The following RANBP2 variants were observed in gnomAD, a reference collection of about 807,000 sequenced individuals.
The protein encoded by RANBP2 is RAN binding protein 2.
Under a neutral mutation model 303.6 loss-of-function variants are expected in RANBP2, and 57 were observed. The ratio of observed to expected loss-of-function variants is 0.19; its 90% CI spans 0.15 to 0.23. The LOEUF (loss-of-function observed/expected upper bound fraction) is 0.23. Among genes scored for constraint, RANBP2 ranks in the 10% least tolerant of loss-of-function variants. The pLI, the probability that RANBP2 is intolerant of heterozygous loss-of-function variation, is 1.00. For missense variants in RANBP2, 3,138 were observed against 3,780.8 expected (o/e 0.83, Z 4.46); for synonymous variants, 1,167 against 1,301.5 (o/e 0.90, Z 2.23).
At chr2:109,473,309 A>G in the RANBP2 span, among the ~76,000 whole-genome samples, 2 of 152,200 alleles carry the variant, frequency 1.3e-5, no homozygotes, top group African/African-American at 2.4e-5. Flanking sequence ...CCTCTTGGCC[A>G]TGGGCAGCTG....
chr2:109,253,976 G>C, the RANBP2 span, among the ~76,000 whole-genome samples: 1 of 151,854 alleles, frequency 6.6e-6, no homozygotes, highest in African/African-American at 2.4e-5. Context: ...AATGGGGCCT[G>C]GCCCCTGAGA....
At chr2:109,303,688 G>C in the RANBP2 span, among the ~76,000 whole-genome samples, 3 of 152,106 alleles carry the variant, frequency 2.0e-5, no homozygotes, top group African/African-American at 7.2e-5. Context: ...TGTTTTGCTT[G>C]GTATTTTAGT....
At chr2:109,449,592 G>A in the RANBP2 span, 2 of 1,407,176 alleles carry the variant, frequency 1.4e-6, no homozygotes, top group Non-Finnish European at 1.9e-6. Flanking sequence ...AAGCTAGAAT[G>A]TGGGCTCCAA....
chr2:108,846,668 C>A, the RANBP2 span: 1 of 1,368,168 alleles, frequency 7.3e-7, no homozygotes, highest in Non-Finnish European at 1.0e-6. Flanking sequence ...CAGAGCAAGA[C>A]TGTGTCTCAA....
the RANBP2 span, among the ~76,000 whole-genome samples, chr2:109,686,296 GT>G: frequency 1.3e-5 from 2 of 152,214 alleles, no homozygotes; most frequent in Middle Eastern, 3.4e-3. Context: ...CTCAAATCAT[GT>G]TTAAGTCAAT....
At chr2:109,726,635 T>A in the RANBP2 span, among the ~76,000 whole-genome samples, 1 of 152,110 alleles carries the variant, frequency 6.6e-6, no homozygotes, top group Non-Finnish European at 1.5e-5. Flanking sequence ...ACCTCACCAA[T>A]CCTGCTAACC....
chr2:109,284,974 T>A, the RANBP2 span, among the ~76,000 whole-genome samples: 39 of 152,330 alleles, frequency 2.6e-4, no homozygotes, highest in South Asian at 4.1e-4. Flanking sequence ...CCATCAGAAG[T>A]GAAGTCAATG....
chr2:109,281,372 T>G, the RANBP2 span, among the ~76,000 whole-genome samples: 1 of 152,026 alleles, frequency 6.6e-6, no homozygotes, highest in Non-Finnish European at 1.5e-5. Flanking sequence ...ACTTGGAAAG[T>G]GAGGAGAGGG....
the RANBP2 span, among the ~76,000 whole-genome samples, chr2:108,950,109 T>A: frequency 2.0e-5 from 3 of 152,106 alleles, no homozygotes; most frequent in Non-Finnish European, 4.4e-5. Flanking sequence ...GAAGAGTGAA[T>A]GCAGCACACA....
chr2:109,219,765 C>A, the RANBP2 span, among the ~76,000 whole-genome samples: 1 of 152,172 alleles, frequency 6.6e-6, no homozygotes, highest in Admixed American at 6.5e-5. Context: ...CTGAAAACTA[C>A]AACATGTTTT....
the RANBP2 span, among the ~76,000 whole-genome samples, chr2:109,397,274 G>T: frequency 6.6e-6 from 1 of 150,916 alleles, no homozygotes; most frequent in Non-Finnish European, 1.5e-5. Context: ...TGCCCAGAGG[G>T]CAGCTGGCAT....
At chr2:109,267,394 C>T in the RANBP2 span, among the ~76,000 whole-genome samples, 3 of 152,192 alleles carry the variant, frequency 2.0e-5, no homozygotes, top group African/African-American at 7.2e-5. Context: ...AAGTGCTGAG[C>T]TTGCCCGAAG....
the RANBP2 span, among the ~76,000 whole-genome samples, chr2:109,020,917 A>G: frequency 5.9e-5 from 9 of 152,190 alleles, no homozygotes; most frequent in Non-Finnish European, 1.3e-4. Flanking sequence ...CAAGGCTGAA[A>G]GACCACCATG....
At chr2:108,935,646 TCA>T in the RANBP2 span, among the ~76,000 whole-genome samples, 3 of 151,766 alleles carry the variant, frequency 2.0e-5, no homozygotes, top group African/African-American at 7.2e-5. Flanking sequence ...GCACCCCTTT[TCA>T]CACACACACA....
At chr2:108,976,515 C>T in the RANBP2 span, among the ~76,000 whole-genome samples, 2 of 152,146 alleles carry the variant, frequency 1.3e-5, no homozygotes, top group East Asian at 1.9e-4. Context: ...CCAGGCGGAG[C>T]GCACACTTAA....
the RANBP2 span, among the ~76,000 whole-genome samples, chr2:109,112,954 C>T: frequency 1.4e-4 from 22 of 152,136 alleles, no homozygotes; most frequent in Middle Eastern, 3.2e-3. Context: ...AGATATGCAG[C>T]GTTATTTCTG....
At chr2:109,652,931 G>A in the RANBP2 span, among the ~76,000 whole-genome samples, 1 of 152,120 alleles carries the variant, frequency 6.6e-6, no homozygotes, top group African/African-American at 2.4e-5. Flanking sequence ...AGGCTCCTGG[G>A]CTCGTCTTCA....
the RANBP2 span, among the ~76,000 whole-genome samples, chr2:109,733,288 A>G: frequency 6.6e-6 from 1 of 152,220 alleles, no homozygotes; most frequent in African/African-American, 2.4e-5. Context: ...AAAATCAATC[A>G]ATGTAGTACA....
chr2:108,843,876 G>GTGTGTGTGTGTGTGTGTGTGTGTT, the RANBP2 span, among the ~76,000 whole-genome samples: 8 of 13,892 alleles, frequency 5.8e-4, no homozygotes, highest in East Asian at 6.3e-3. Context: ...GTGTGTGTGT[G>GTGTGTGTGTGTGTGTGTGTGTGTT]TGTTTCTTTC....
Sources: allele counts gnomAD v4.1 joint callset (sites outside exome capture counted in the v4.1 genomes callset), GRCh38; gene constraint gnomAD v4.1.1; transcripts MANE v1.5; gene names NCBI Gene and HGNC (gene_info 2026-07-23, HGNC 2026-07-21).